The following PRKAR1B variants were observed in gnomAD, a reference collection of about 807,000 sequenced individuals.
The protein encoded by PRKAR1B is protein kinase cAMP-dependent type I regulatory subunit beta, also known as cAMP-dependent protein kinase type I-beta regulatory subunit.
In PRKAR1B, 22 loss-of-function variants were observed where a neutral mutation model predicts 46.5. The ratio of observed to expected loss-of-function variants is 0.47; its 90% CI spans 0.34 to 0.68. The LOEUF (loss-of-function observed/expected upper bound fraction) is 0.68, where lower values mean the gene tolerates loss of function less well. Among genes scored for constraint, PRKAR1B ranks in the 30% least tolerant of loss-of-function variants. The pLI, the probability that PRKAR1B is intolerant of heterozygous loss-of-function variation, is 0.01. For synonymous variants in PRKAR1B, 259 were observed against 217.7 expected (o/e 1.19, Z -1.67); for missense variants, 445 against 535.6 (o/e 0.83, Z 1.67).
intron 4 of PRKAR1B, among the ~76,000 whole-genome samples, chr7:628,252 T>C (rs1009306658): frequency 6.6e-6 from 1 of 152,234 alleles, no homozygotes; most frequent in Non-Finnish European, 1.5e-5. Context: ...TCCCACAGGC[T>C]GGACCCAGCC....
At chr7:715,348 A>T (rs1211718072) in intron 1 of PRKAR1B, among the ~76,000 whole-genome samples, 1 of 152,108 alleles carries the variant, frequency 6.6e-6, no homozygotes, top group Non-Finnish European at 1.5e-5. Context: ...TGAAGACACA[A>T]AGAGGGGTCT....
At chr7:727,085 C>G in intron 1 of PRKAR1B, 125 bp downstream of exon 1, 2 of 1,048,216 alleles carry the variant, frequency 1.9e-6, no homozygotes, top group African/African-American at 3.4e-5. Flanking sequence ...CCCGCGCTCG[C>G]CGCGCGCTTG....
intron 5 of PRKAR1B, among the ~76,000 whole-genome samples, chr7:606,767 CGTGT>C (rs71546453): frequency 0.018 from 2,728 of 148,360 alleles, 40 homozygotes; most frequent in African/African-American, 0.042. Flanking sequence ...GAATTTTATG[CGTGT>C]GTGTGTGTGT....
intron 1 of PRKAR1B, chr7:726,612 A>C: frequency 1.2e-6 from 1 of 842,750 alleles, no homozygotes. Context: ...ACCGGCGGGG[A>C]GGAAGTAGCC....
Position 602,281 on chromosome 7 carries a change from G to A in PRKAR1B, c.549+3912C>T, listed in dbSNP as rs536802412. On this transcript the variant is annotated intron_variant, in intron 6 of 10. Coordinates refer to ENST00000537384, the MANE Select transcript of PRKAR1B (RefSeq NM_001164760.2). This position sits in a 1 kb window ranked among gnomAD's most constrained non-coding sequence, Gnocchi z 6.4. ...CATGTATGAAGGAGTTACAGACGGC[G>A]GCGGGGGGAGGGGGGGTCTGTCCTG... Among the ~76,000 whole-genome samples the A allele has an allele frequency of 7.4e-4, 69 of 93,640 alleles. 1 individual carries two copies. The South Asian group carries it at 0.039, about 53-fold the overall frequency. 61.4% of individuals were successfully genotyped at this position (93,640 alleles called of 152,430 possible). A position where few individuals can be genotyped will look rare whatever the true frequency, so the allele number is the denominator to read the frequency against.
intron 2 of PRKAR1B, among the ~76,000 whole-genome samples, chr7:698,035 GAGGGGAGGGA>G: frequency 1.7e-5 from 1 of 59,296 alleles, no homozygotes; most frequent in East Asian, 7.6e-4. Flanking sequence ...GAGGGGAGGG[GAGGGGAGGGA>G]AGGGAAGGGA....
Position 608,693 on chromosome 7 carries a change from T to C in PRKAR1B, c.441-1241A>G, listed in dbSNP as rs113874719. On this transcript the variant is annotated intron_variant, in intron 4 of 10. Transcript: ENST00000537384. ...TGTGTGGCAGGGTTGTAGGGAGGGC[T>C]GGGGGGCCTCCACCGTCCTCCCACC... is the stretch of plus-strand genomic sequence containing the variant. 1.4e-3 allele frequency among the ~76,000 whole-genome samples: 145 copies of C among 103,058 alleles called. 1 individual carries two copies. Among genetic ancestry groups the C allele is most frequent in the African/African-American group, 2.8e-3 (62 of 22,172 alleles). 67.6% of individuals were successfully genotyped at this position (103,058 alleles called of 152,430 possible).
chr7:695,655 G>GT (rs140312313), intron 2 of PRKAR1B, among the ~76,000 whole-genome samples: 5,015 of 151,638 alleles, frequency 0.033, 319 homozygotes, highest in African/African-American at 0.11. Context: ...AATAGGGCTT[G>GT]TTTTTTTTGT....
intron 1 of PRKAR1B, among the ~76,000 whole-genome samples, chr7:726,372 G>A (rs1017833486): frequency 1.3e-5 from 2 of 152,178 alleles, no homozygotes; most frequent in African/African-American, 4.8e-5. Context: ...GTCCCAGGCG[G>A]GACCACTCAG....
chr7:609,714 C>A (rs1383429750), intron 4 of PRKAR1B, among the ~76,000 whole-genome samples: 1 of 152,188 alleles, frequency 6.6e-6, no homozygotes, highest in East Asian at 1.9e-4. Context: ...CTGGAAGCTT[C>A]TTTGCTCCTT....
intron 3 of PRKAR1B, among the ~76,000 whole-genome samples, chr7:678,754 C>T (rs1778486730): frequency 6.6e-6 from 1 of 152,226 alleles, no homozygotes; most frequent in African/African-American, 2.4e-5. Flanking sequence ...GCAATGAAAT[C>T]TCCTAAAAAG....
At position 659,431 on chromosome 7, in the gene PRKAR1B, C is replaced by A. The variant is rs543763789; in HGVS notation, c.440+17798G>T. Among the ~76,000 whole-genome samples, 203 of 152,290 alleles carry A rather than the reference C, an allele frequency of 1.3e-3. 2 individuals are homozygous for A. The highest frequency in any genetic ancestry group is 4.7e-3 in the African/African-American group (195 of 41,560). On this transcript the variant is annotated intron_variant, in intron 4 of 10. Transcript: ENST00000537384. ...CCACATATGATTCAGCCCACAGGCA[C>A]CGAAGTGACCACGAAAGGGGGAGAG...
intron 4 of PRKAR1B, among the ~76,000 whole-genome samples, chr7:651,399 A>G (rs979162247): frequency 1.3e-5 from 2 of 152,208 alleles, no homozygotes; most frequent in Non-Finnish European, 2.9e-5. Context: ...TGCCTTACAG[A>G]GCTCTTCCAC....
intron 8 of PRKAR1B, 84 bp downstream of exon 8, chr7:584,424 C>G (rs1780481900): frequency 8.3e-7 from 1 of 1,210,126 alleles, no homozygotes; most frequent in South Asian, 1.2e-5. Context: ...CTGCCAGCCA[C>G]GCAGGGAATG....
At chr7:559,212 G>A (rs1034295910) in intron 9 of PRKAR1B, among the ~76,000 whole-genome samples, 4 of 152,214 alleles carry the variant, frequency 2.6e-5, no homozygotes, top group Admixed American at 6.5e-5. Context: ...GGTGCCTGAC[G>A]CCAGGAGAGC....
chr7:706,216 C>T (rs910220688), intron 2 of PRKAR1B, among the ~76,000 whole-genome samples: 3 of 152,060 alleles, frequency 2.0e-5, no homozygotes, highest in South Asian at 2.1e-4. Context: ...CTCCCAGCTA[C>T]TCAGGAAGCT....
intron 4 of PRKAR1B, among the ~76,000 whole-genome samples, chr7:649,301 G>GT (rs2128489123): frequency 6.6e-6 from 1 of 152,204 alleles, no homozygotes; most frequent in Admixed American, 6.5e-5. Flanking sequence ...AATTTAAAAC[G>GT]TATCTTAATA....
chr7:671,439 T>C (rs1372146092), intron 4 of PRKAR1B, among the ~76,000 whole-genome samples: 1 of 151,950 alleles, frequency 6.6e-6, no homozygotes, highest in African/African-American at 2.4e-5. Flanking sequence ...GGTGTTTGGG[T>C]GGGGTTTTGG....
intron 4 of PRKAR1B, among the ~76,000 whole-genome samples, chr7:628,033 G>A (rs1037286624): frequency 9.9e-5 from 15 of 152,238 alleles, no homozygotes; most frequent in South Asian, 2.1e-4. Flanking sequence ...GGGGGACAGC[G>A]GTGGGGGGAG....
Sources: allele counts gnomAD v4.1 joint callset (sites outside exome capture counted in the v4.1 genomes callset), GRCh38; gene constraint gnomAD v4.1.1; non-coding constraint Gnocchi (gnomAD v3.1); transcripts MANE v1.5; gene names NCBI Gene and HGNC (gene_info 2026-07-23, HGNC 2026-07-21).